The following FCRL3 variants were observed in gnomAD, a reference collection of about 807,000 sequenced individuals.
FCRL3 encodes the protein Fc receptor like 3.
In FCRL3, 89 loss-of-function variants were observed where a neutral mutation model predicts 75.0. That is an observed-to-expected ratio of 1.19 (90% CI 1.00 to 1.42). The LOEUF is 1.42. FCRL3 is among the 40% of genes most tolerant of loss of function. FCRL3 has a pLI of 0.00. For synonymous variants in FCRL3, 376 were observed against 348.5 expected (o/e 1.08, Z -0.88); for missense variants, 946 against 880.0 (o/e 1.07, Z -0.95).
intron 5 of FCRL3, 45 bp downstream of exon 5, chr1:157,697,612 CCA>C (rs1656022963): frequency 6.3e-7 from 1 of 1,575,060 alleles, no homozygotes; most frequent in Non-Finnish European, 8.6e-7. Flanking sequence ...CCCTTTATCC[CCA>C]GTTTCCCTAA....
intron 8 of FCRL3, among the ~76,000 whole-genome samples, 165 bp from the exon 9 acceptor site, chr1:157,690,698 A>AT (rs1655471169): frequency 6.6e-6 from 1 of 152,178 alleles, no homozygotes; most frequent in South Asian, 2.1e-4. Flanking sequence ...TATAAGCTTG[A>AT]TTTTTTAAGA....
At position 157,677,354 on chromosome 1, in the gene FCRL3, G is replaced by A; in HGVS notation, c.*1356C>T. 6.1e-6 allele frequency: 6 copies of A among 986,092 alleles called. No homozygotes were observed. Among genetic ancestry groups the A allele is most frequent in the Non-Finnish European group, 6.0e-6 (5 of 830,408 alleles). 61.1% of individuals were successfully genotyped at this position (986,092 alleles called of 1,614,324 possible). A position where few individuals can be genotyped will look rare whatever the true frequency, so the allele number is the denominator to read the frequency against. On this transcript the variant is annotated 3_prime_UTR_variant, in exon 15 of 15. Transcript: ENST00000368184. ...TAGGGACTCCAAGAAATATTGATTA[G>A]AGGAAGATGTGGTGCTTTGAAAGGG...
At chr1:157,700,023 C>G (rs2101629899) in intron 2 of FCRL3, among the ~76,000 whole-genome samples, 1 of 152,258 alleles carries the variant, frequency 6.6e-6, no homozygotes, top group Admixed American at 6.5e-5. Context: ...TCCTTGGGCT[C>G]CTATTGTTCC....
At position 157,683,918 on chromosome 1, in the gene FCRL3, T is replaced by C. The variant is rs576626272; in HGVS notation, c.1811-674A>G. On this transcript the variant is annotated intron_variant, in intron 10 of 14. Coordinates refer to ENST00000368184, the MANE Select transcript of FCRL3 (RefSeq NM_052939.4). ...ACCATGTAATATTAAAATTACTATA[T>C]TGTTTCGTAATTATTTATTTCTATT... Among the ~76,000 whole-genome samples, 3 of 152,328 alleles carry C rather than the reference T, an allele frequency of 2.0e-5. No homozygotes were observed. The South Asian group carries it at 6.2e-4, about 32-fold the overall frequency.
chr1:157,690,822 T>C (rs963683898), intron 8 of FCRL3, among the ~76,000 whole-genome samples: 1 of 152,156 alleles, frequency 6.6e-6, no homozygotes, highest in Admixed American at 6.5e-5. Context: ...ACTATAAAAA[T>C]TGGTTATTAT....
rs746657472 is a variant in FCRL3, at chr1:157,697,282, G to C, written c.702C>G (p.Thr234=). The C allele has an allele frequency of 6.2e-7, 1 of 1,612,600 alleles. No individual in the cohort carries two copies. Among genetic ancestry groups the C allele is most frequent in the South Asian group, 1.1e-5 (1 of 90,848 alleles). Reference sequence around the variant, plus strand: ...GGGACCTGCTCCAGCCCAATCCGAGGGTCTGGCTATCTCTGAAGAGGGAGA... The same window carrying C: ...GGGACCTGCTCCAGCCCAATCCGAGCGTCTGGCTATCTCTGAAGAGGGAGA... ...LQFSLFRDSQ[T]LGLGWSRSPR... Residue 234 remains threonine (T), a synonymous_variant, in exon 6 of 15, where the codon ACC becomes ACG. Coordinates refer to ENST00000368184, the MANE Select transcript of FCRL3 (RefSeq NM_052939.4).
In FCRL3 at chr1:157,700,571, C is replaced by T. The variant is rs2101631064; in HGVS notation, c.-82G>A. 18 of 1,610,880 alleles carry T rather than the reference C, an allele frequency of 1.1e-5. No homozygotes were observed. In the South Asian group the frequency reaches 1.9e-4, roughly 17 times the overall value. Reference sequence around the variant, plus strand: ...CTCCAAGAAGGAGGGCAGGAAGCTGCTACTCAGATGAGACCTGCAAGAATC... The same window carrying T: ...CTCCAAGAAGGAGGGCAGGAAGCTGTTACTCAGATGAGACCTGCAAGAATC... On this transcript the variant is annotated 5_prime_UTR_variant, in exon 2 of 15. Transcript: ENST00000368184.
In FCRL3 at chr1:157,689,925, G is replaced by A; in HGVS notation, c.1691-8C>T. On this transcript the variant is annotated splice_region_variant and splice_polypyrimidine_tract_variant and intron_variant, in intron 9 of 14. Transcript: ENST00000368184. ...TTCTGTTCCTGGAAGTTCCTGAGTG[G>A]AGGGAGCTGTACTTGAGTTTCAGTG... is the stretch of plus-strand genomic sequence containing the variant. 1 of 1,614,108 alleles carries A rather than the reference G, an allele frequency of 6.2e-7. No homozygotes were observed. Among genetic ancestry groups the A allele is most frequent in the Non-Finnish European group, 8.5e-7 (1 of 1,179,986 alleles).
At chr1:157,696,670 T>A (rs772997138) in intron 6 of FCRL3, 2 of 303,088 alleles carry the variant, frequency 6.6e-6, no homozygotes, top group African/African-American at 4.3e-5. Context: ...GTTTTGAAGA[T>A]CAAAATAGAA....
At position 157,676,939 on chromosome 1, in the gene FCRL3, C is replaced by A; in HGVS notation, c.*1771G>T. ...TACCCAAAACCGGTTTACATATTTTCACCATAGAGAAAAAAACAGCAGAAT... is the reference window on the plus strand; with the variant it reads ...TACCCAAAACCGGTTTACATATTTTAACCATAGAGAAAAAAACAGCAGAAT... On this transcript the variant is annotated 3_prime_UTR_variant, in exon 15 of 15. Coordinates refer to ENST00000368184, the MANE Select transcript of FCRL3 (RefSeq NM_052939.4). The A allele has an allele frequency of 7.1e-7, 1 of 1,413,690 alleles. No homozygotes were observed. Among genetic ancestry groups the A allele is most frequent in the Non-Finnish European group, 9.2e-7 (1 of 1,085,452 alleles). 87.6% of individuals were successfully genotyped at this position (1,413,690 alleles called of 1,614,324 possible).
Position 157,697,350 on chromosome 1 carries a change from C to CCT in FCRL3, c.633_634insAG (p.Glu212ArgfsTer55). ...GGCCTCTGTGGAGAGAGCTGGGTCT[C>CCT]ACAGGTCAGGGTCATGGGACTCCCC... On this transcript the variant is annotated frameshift_variant, in exon 6 of 15. Coordinates refer to ENST00000368184, the MANE Select transcript of FCRL3 (RefSeq NM_052939.4). LOFTEE classifies it high-confidence loss of function. The CCT allele has an allele frequency of 6.2e-7, 1 of 1,608,542 alleles. No homozygotes were observed.
chr1:157,676,512 G>T lies in FCRL3; in HGVS notation c.*2198C>A. ...TTCCAATGGTCTTTTATTTTCAAAGGCTCCACTAAAATTACTTTTTTTAGA... is the reference window on the plus strand; with the variant it reads ...TTCCAATGGTCTTTTATTTTCAAAGTCTCCACTAAAATTACTTTTTTTAGA... On this transcript the variant is annotated 3_prime_UTR_variant, in exon 15 of 15. Transcript: ENST00000368184. The T allele has an allele frequency of 4.1e-6, 2 of 486,962 alleles. No homozygotes were observed. Among genetic ancestry groups the T allele is most frequent in the East Asian group, 3.3e-5 (1 of 30,718 alleles). The allele number at this position is 486,962 out of a possible 1,614,324, so 30.2% of individuals were successfully genotyped here.
In FCRL3 at chr1:157,680,752, T is replaced by G. The variant is rs1452020930; in HGVS notation, c.1976A>C (p.Asn659Thr). 1 of 1,613,976 alleles carries G rather than the reference T, an allele frequency of 6.2e-7. No individual in the cohort carries two copies. Among genetic ancestry groups the G allele is most frequent in the African/African-American group, 1.3e-5 (1 of 74,930 alleles). The part of the protein sequence containing the change: ...MYSNVNPGDS[N>T]PIYSQIWSIQ... ...GCTCCAGATCTGGGAATAAATCGGGTTGCTATCTCCAGGATTTACTGTGAG... is the reference window on the plus strand; with the variant it reads ...GCTCCAGATCTGGGAATAAATCGGGGTGCTATCTCCAGGATTTACTGTGAG... The change falls in exon 13 of 15, where the codon AAC becomes ACC. Residue 659 changes from asparagine to threonine, a missense_variant. Transcript: ENST00000368184.
At chr1:157,692,707 G>C (rs1381805838) in intron 8 of FCRL3, among the ~76,000 whole-genome samples, 4 of 152,126 alleles carry the variant, frequency 2.6e-5, no homozygotes, top group Admixed American at 2.6e-4. Flanking sequence ...AATTTTTGTT[G>C]ACTTTTTGGT....
chr1:157,677,522 T>C lies in FCRL3; in HGVS notation c.*1188A>G. On this transcript the variant is annotated 3_prime_UTR_variant, in exon 15 of 15. Transcript: ENST00000368184. ...TCAGGATTTCAGAATGGAGGTGAAG[T>C]CACTGAAAATTGTTGGTACATTTTC... 2 of 985,338 alleles carry C rather than the reference T, an allele frequency of 2.0e-6. No individual in the cohort carries two copies. Among genetic ancestry groups the C allele is most frequent in the Non-Finnish European group, 1.2e-6 (1 of 829,846 alleles). The allele number at this position is 985,338 out of a possible 1,614,324, so 61.0% of individuals were successfully genotyped here.
chr1:157,687,343 T>C (rs1486102005), intron 10 of FCRL3, among the ~76,000 whole-genome samples: 1 of 145,820 alleles, frequency 6.9e-6, no homozygotes, highest in East Asian at 2.0e-4. Flanking sequence ...TGGTGGGAAT[T>C]TAAGTTAGTT....
In FCRL3 at chr1:157,676,723, A is replaced by G; in HGVS notation, c.*1987T>C. On this transcript the variant is annotated 3_prime_UTR_variant, in exon 15 of 15. Coordinates refer to ENST00000368184, the MANE Select transcript of FCRL3 (RefSeq NM_052939.4). ...TGATTTGCACAGGGCTAAGTGTTAC[A>G]AAGACATGGAAAATCTTGAACTTTG... 6.4e-7 allele frequency: 1 copy of G among 1,550,468 alleles called. No homozygotes were observed. The highest frequency in any genetic ancestry group is 8.7e-7 in the Non-Finnish European group (1 of 1,146,902).
chr1:157,695,899 CTCT>C, intron 7 of FCRL3, 138 bp downstream of exon 7: 3 of 487,296 alleles, frequency 6.2e-6, no homozygotes, highest in East Asian at 4.2e-5. Flanking sequence ...CTCTCTCTCT[CTCT>C]CCCCCTCTCT....
At chr1:157,689,979 T>A (rs141013458) in intron 9 of FCRL3, 62 bp from the exon 10 acceptor site, 1 of 1,604,588 alleles carries the variant, frequency 6.2e-7, no homozygotes, top group Non-Finnish European at 8.5e-7. Context: ...GACAAAATCA[T>A]GCAAGTAGGG....
Sources: gnomAD v4.1 joint callset for allele counts (sites outside exome capture counted in the v4.1 genomes callset) on GRCh38, gnomAD v4.1.1 for gene constraint, MANE v1.5 for transcripts, NCBI Gene and HGNC (gene_info 2026-07-23, HGNC 2026-07-21) for gene names.